The following PDE1C variants were observed in gnomAD, a reference collection of about 807,000 sequenced individuals.
The protein encoded by PDE1C is dual specificity calcium/calmodulin-dependent 3',5'-cyclic nucleotide phosphodiesterase 1C.
A neutral mutation model predicts 93.1 loss-of-function variants in PDE1C; 62 were observed. The observed-to-expected ratio is 0.67, with a 90% CI of 0.54 to 0.82. PDE1C has a LOEUF of 0.82. PDE1C is among the 40% of genes least tolerant of loss of function. PDE1C has a pLI of 0.00. For missense variants in PDE1C, 742 were observed against 884.6 expected (o/e 0.84, Z 2.04); for synonymous variants, 325 against 310.1 (o/e 1.05, Z -0.50).
At chr7:31,629,435 C>A in the PDE1C span, among the ~76,000 whole-genome samples, 1 of 152,164 alleles carries the variant, frequency 6.6e-6, no homozygotes. Flanking sequence ...TTTCCTTCCC[C>A]TGGACAGAAA....
upstream of PDE1C, among the ~76,000 whole-genome samples, chr7:32,301,686 T>A (rs896514860): frequency 1.3e-5 from 2 of 152,142 alleles, no homozygotes. Context: ...CAAGAAAAAA[T>A]GAGTTCAAGA....
At chr7:31,928,881 G>T (rs1455946072) in intron 2 of PDE1C, among the ~76,000 whole-genome samples, 1 of 152,126 alleles carries the variant, frequency 6.6e-6, no homozygotes, top group East Asian at 1.9e-4. Flanking sequence ...ATCAACTAAT[G>T]TGCAAAATGA....
intron 2 of PDE1C, among the ~76,000 whole-genome samples, chr7:31,885,556 G>A (rs1797763395): frequency 6.6e-6 from 1 of 152,196 alleles, no homozygotes; most frequent in African/African-American, 2.4e-5. Context: ...CAGATCCAGA[G>A]CGAGCCCTGG....
At chr7:32,187,874 G>A (rs947237895) in intron 2 of PDE1C, among the ~76,000 whole-genome samples, 1 of 151,992 alleles carries the variant, frequency 6.6e-6, no homozygotes, top group African/African-American at 2.4e-5. Flanking sequence ...CTTACAGCAC[G>A]TCTCAGTTAG....
At chr7:32,307,191 G>A (rs1435526392) in intron 1 of PDE1C, among the ~76,000 whole-genome samples, 1 of 150,954 alleles carries the variant, frequency 6.6e-6, no homozygotes, top group East Asian at 1.9e-4. Context: ...TTTTTTTCTT[G>A]CTCATTACGA....
At chr7:31,721,979 C>T in the PDE1C span, among the ~76,000 whole-genome samples, 2 of 152,198 alleles carry the variant, frequency 1.3e-5, no homozygotes, top group Non-Finnish European at 2.9e-5. Flanking sequence ...AAGACTTAAA[C>T]AGAGATTAAG....
chr7:31,913,811 T>A (rs1375134158), intron 2 of PDE1C, among the ~76,000 whole-genome samples: 1 of 152,212 alleles, frequency 6.6e-6, no homozygotes, highest in Non-Finnish European at 1.5e-5. Flanking sequence ...CTATAGCTAC[T>A]GAACGGCATC....
At chr7:31,667,366 G>A in the PDE1C span, among the ~76,000 whole-genome samples, 1 of 151,816 alleles carries the variant, frequency 6.6e-6, no homozygotes, top group African/African-American at 2.4e-5. Context: ...CTGTGTGACT[G>A]TGCATTTCAA....
the PDE1C span, among the ~76,000 whole-genome samples, chr7:31,685,614 G>A: frequency 6.6e-6 from 1 of 152,182 alleles, no homozygotes; most frequent in Non-Finnish European, 1.5e-5. Context: ...AGGGTTTAAT[G>A]CCTAGGTGAT....
intron 1 of PDE1C, among the ~76,000 whole-genome samples, chr7:32,260,601 C>A (rs1268499010): frequency 6.6e-6 from 1 of 152,166 alleles, no homozygotes; most frequent in African/African-American, 2.4e-5. Context: ...AAAATTATAA[C>A]TGAGGAAATT....
chr7:31,809,166 A>T (rs1787244159), intron 15 of PDE1C, 58 bp from the exon 16 acceptor site: 3 of 947,542 alleles, frequency 3.2e-6, no homozygotes, highest in Middle Eastern at 2.1e-4. Flanking sequence ...GTTGTTATAA[A>T]CATCTTTAAG....
chr7:31,998,723 A>C (rs1174177277), intron 2 of PDE1C, among the ~76,000 whole-genome samples: 1 of 152,224 alleles, frequency 6.6e-6, no homozygotes, highest in Non-Finnish European at 1.5e-5. Flanking sequence ...TAACACAAAA[A>C]TTCTAATACT....
intron 2 of PDE1C, among the ~76,000 whole-genome samples, chr7:32,040,712 C>T (rs1352755966): frequency 1.3e-5 from 2 of 152,136 alleles, no homozygotes; most frequent in East Asian, 1.9e-4. Flanking sequence ...TGAAGACAAA[C>T]TGTAAATGCC....
intron 3 of PDE1C, among the ~76,000 whole-genome samples, chr7:32,091,721 G>T (rs546499742): frequency 6.6e-6 from 1 of 152,320 alleles, no homozygotes; most frequent in African/African-American, 2.4e-5. Context: ...TACCTCTCCA[G>T]TCACTGCAAA....
At chr7:32,218,478 T>C (rs990978894) in intron 1 of PDE1C, among the ~76,000 whole-genome samples, 2 of 152,202 alleles carry the variant, frequency 1.3e-5, no homozygotes, top group Non-Finnish European at 2.9e-5. Flanking sequence ...GCTCCCTGGC[T>C]CGTGCAGCCC....
intron 2 of PDE1C, among the ~76,000 whole-genome samples, chr7:31,881,195 G>A (rs1275923014): frequency 2.0e-5 from 3 of 152,142 alleles, no homozygotes; most frequent in Non-Finnish European, 4.4e-5. Context: ...CTGACCAGCA[G>A]CAAAATCACC....
chr7:32,387,673 G>T (rs1191667093), intron 1 of PDE1C, among the ~76,000 whole-genome samples: 1 of 132,346 alleles, frequency 7.6e-6, no homozygotes, highest in African/African-American at 3.0e-5. Flanking sequence ...CTGGCCGGGC[G>T]GGGGGCTGAC....
At chr7:31,677,741 G>A in the PDE1C span, among the ~76,000 whole-genome samples, 1 of 152,232 alleles carries the variant, frequency 6.6e-6, no homozygotes, top group Middle Eastern at 3.4e-3. Context: ...AGAAATGCCA[G>A]CTATGGCATT....
chr7:31,934,905 T>C (rs1804825579), intron 2 of PDE1C, among the ~76,000 whole-genome samples: 1 of 152,188 alleles, frequency 6.6e-6, no homozygotes, highest in East Asian at 1.9e-4. Context: ...CTCTTTCCAA[T>C]ATTACAATTT....
Sources: gnomAD v4.1 joint callset for allele counts (sites outside exome capture counted in the v4.1 genomes callset) on GRCh38, gnomAD v4.1.1 for gene constraint, MANE v1.5 for transcripts, NCBI Gene and HGNC (gene_info 2026-07-23, HGNC 2026-07-21) for gene names.